UBE2D3: variants seen among roughly 807,000 people sequenced by gnomAD.
UBE2D3 encodes the protein ubiquitin conjugating enzyme E2 D3.
Under a neutral mutation model 22.8 loss-of-function variants are expected in UBE2D3, and 2 were observed. The observed-to-expected ratio is 0.09, with a 90% confidence interval of 0.04 to 0.28. The LOEUF is 0.28. Ranked by LOEUF, UBE2D3 falls within the 10% of genes least tolerant of loss-of-function variation. The probability of loss-of-function intolerance (pLI) is 1.00; values close to 1 mark genes in which losing one functional copy is unlikely to be tolerated. For missense variants in UBE2D3, 27 were observed against 182.5 expected (o/e 0.15, Z 4.91); for synonymous variants, 56 against 60.4 (o/e 0.93, Z 0.34).
intron 1 of UBE2D3, among the ~76,000 whole-genome samples, chr4:102,834,688 G>A (rs1355435444): frequency 6.6e-6 from 1 of 151,830 alleles, no homozygotes; most frequent in East Asian, 1.9e-4. Context: ...GGTCAAGGCT[G>A]CAGTGAGCTG....
intron 6 of UBE2D3, among the ~76,000 whole-genome samples, chr4:102,800,710 G>C (rs924051337): frequency 3.9e-5 from 6 of 152,018 alleles, no homozygotes; most frequent in African/African-American, 1.4e-4. Context: ...TACTGCTACA[G>C]TCTCTCTCCA....
intron 2 of UBE2D3, among the ~76,000 whole-genome samples, chr4:102,820,731 A>AAAAC (rs530907791): frequency 4.6e-5 from 7 of 152,100 alleles, no homozygotes; most frequent in East Asian, 3.8e-4. Flanking sequence ...TAAAACAAAC[A>AAAAC]AAACAAACAA....
At chr4:102,810,100 A>T (rs1727713858) in intron 2 of UBE2D3, 1 of 437,832 alleles carries the variant, frequency 2.3e-6, no homozygotes, top group Admixed American at 4.1e-5. Flanking sequence ...TTTACATAAA[A>T]GCCAATCTCT....
chr4:102,808,117 T>C (rs572120293), intron 4 of UBE2D3, among the ~76,000 whole-genome samples: 2 of 152,304 alleles, frequency 1.3e-5, no homozygotes, highest in South Asian at 4.1e-4. Context: ...CAAAAGCAAC[T>C]GCTTTACAAA....
At chr4:102,822,299 A>G (rs1369509778) in intron 2 of UBE2D3, among the ~76,000 whole-genome samples, 1 of 152,240 alleles carries the variant, frequency 6.6e-6, no homozygotes, top group African/African-American at 2.4e-5. Context: ...TATCCTACAC[A>G]GAAAGTGAGC....
chr4:102,868,164 C>G (rs1733255759), intron 1 of UBE2D3, among the ~76,000 whole-genome samples: 1 of 151,482 alleles, frequency 6.6e-6, no homozygotes, highest in Non-Finnish European at 1.5e-5. Context: ...CCTCCGCCTC[C>G]CTGGTTCAAG....
At chr4:102,838,132 A>C (rs986630866) in intron 1 of UBE2D3, among the ~76,000 whole-genome samples, 2 of 152,126 alleles carry the variant, frequency 1.3e-5, no homozygotes, top group African/African-American at 4.8e-5. Context: ...AAAACTGTGT[A>C]CACTTGTTTT....
chr4:102,817,313 T>C (rs1285887687), intron 2 of UBE2D3, among the ~76,000 whole-genome samples: 7 of 152,182 alleles, frequency 4.6e-5, no homozygotes, highest in Non-Finnish European at 8.8e-5. Flanking sequence ...GGTTTCGAAA[T>C]AGAAGACAAA....
At chr4:102,816,638 A>C (rs1397264036) in intron 2 of UBE2D3, among the ~76,000 whole-genome samples, 1 of 152,248 alleles carries the variant, frequency 6.6e-6, no homozygotes, top group East Asian at 1.9e-4. Context: ...ATGCCACTTC[A>C]AACACAATTT....
At chr4:102,806,597 G>A (rs1276982514) in intron 4 of UBE2D3, among the ~76,000 whole-genome samples, 1 of 152,010 alleles carries the variant, frequency 6.6e-6, no homozygotes, top group Non-Finnish European at 1.5e-5. Context: ...GGTTGACTAT[G>A]CTCAGGCTGC....
At chr4:102,825,095 A>C (rs1730246906) in intron 2 of UBE2D3, 1 of 289,728 alleles carries the variant, frequency 3.5e-6, no homozygotes, top group South Asian at 1.3e-4. Flanking sequence ...ATGAAACACC[A>C]ATCTTGCCAA....
intron 1 of UBE2D3, among the ~76,000 whole-genome samples, chr4:102,859,537 T>C: frequency 6.6e-6 from 1 of 151,990 alleles, no homozygotes; most frequent in East Asian, 1.9e-4. Context: ...TGGAATTCTT[T>C]GGGAATTGTG....
At chr4:102,811,858 AAG>A in intron 2 of UBE2D3, 1 of 400,770 alleles carries the variant, frequency 2.5e-6, no homozygotes, top group South Asian at 1.8e-5. Flanking sequence ...TCTCCATAAA[AAG>A]AAAAAAAAAT....
chr4:102,868,066 T>C (rs1733243242), intron 1 of UBE2D3, among the ~76,000 whole-genome samples: 1 of 138,636 alleles, frequency 7.2e-6, no homozygotes, highest in South Asian at 2.2e-4. Context: ...CATAAGGCTT[T>C]AGATTCTTTT....
At position 102,823,134 on chromosome 4, in the gene UBE2D3, A is replaced by C. The variant is rs188846695; in HGVS notation, c.24+3351T>G. On this transcript the variant is annotated intron_variant, in intron 2 of 7. Coordinates refer to ENST00000453744, the MANE Select transcript of UBE2D3 (RefSeq NM_181891.3). ...TTAAATGAGTTAGGGTTTAGATGAG[A>C]CTGCATTGTCTTAACTACTGTAATA... Among the ~76,000 whole-genome samples the C allele has an allele frequency of 1.5e-4, 23 of 152,290 alleles. No individual in the cohort carries two copies. The East Asian group carries it at 4.2e-3, about 28-fold the overall frequency.
intron 5 of UBE2D3, 41 bp downstream of exon 5, chr4:102,802,518 AAG>A: frequency 6.7e-7 from 1 of 1,485,164 alleles, no homozygotes; most frequent in East Asian, 2.3e-5. Flanking sequence ...CTTTGAAATA[AAG>A]CATAAATCTA....
chr4:102,809,076 G>A, intron 4 of UBE2D3: 1 of 213,874 alleles, frequency 4.7e-6, no homozygotes, highest in South Asian at 4.7e-5. Context: ...ACCCCAGGAT[G>A]TTTTAGTGCG....
At chr4:102,818,813 G>T (rs1326918029) in intron 2 of UBE2D3, among the ~76,000 whole-genome samples, 10 of 152,022 alleles carry the variant, frequency 6.6e-5, no homozygotes, top group Admixed American at 6.6e-4. Context: ...CCTGCAAATG[G>T]TTTATCTTGA....
chr4:102,820,423 CTTT>C (rs1353037157), intron 2 of UBE2D3, among the ~76,000 whole-genome samples: 3 of 152,098 alleles, frequency 2.0e-5, no homozygotes, highest in Non-Finnish European at 4.4e-5. Flanking sequence ...CTGAGAAATC[CTTT>C]TTTATCTTAA....
Sources: allele counts gnomAD v4.1 joint callset (sites outside exome capture counted in the v4.1 genomes callset), GRCh38; gene constraint gnomAD v4.1.1; transcripts MANE v1.5; gene names NCBI Gene and HGNC (gene_info 2026-07-23, HGNC 2026-07-21).